The following CNTNAP2 variants were observed in gnomAD, a reference collection of about 807,000 sequenced individuals.
CNTNAP2 encodes the protein contactin associated protein 2, also known as contactin-associated protein-like 2.
Under a neutral mutation model 155.2 loss-of-function variants are expected in CNTNAP2, and 98 were observed. The observed-to-expected ratio is 0.63, with a 90% CI of 0.54 to 0.75. CNTNAP2 has a LOEUF of 0.75. CNTNAP2 is among the 30% of genes least tolerant of loss of function. CNTNAP2 has a pLI of 0.00. For synonymous variants in CNTNAP2, 651 were observed against 631.2 expected (o/e 1.03, Z -0.47); for missense variants, 1,727 against 1,688.1 (o/e 1.02, Z -0.40).
intron 3 of CNTNAP2, among the ~76,000 whole-genome samples, chr7:146,927,542 C>A (rs1182572287): frequency 6.6e-6 from 1 of 151,938 alleles, no homozygotes; most frequent in Non-Finnish European, 1.5e-5. Flanking sequence ...ATACAATATA[C>A]AATTTGTATA....
chr7:147,099,293 A>G (rs1800609006), intron 4 of CNTNAP2, among the ~76,000 whole-genome samples: 1 of 152,152 alleles, frequency 6.6e-6, no homozygotes, highest in Admixed American at 6.5e-5. Flanking sequence ...TTATATTTGG[A>G]AAGTGTGCTT....
chr7:147,523,774 A>G (rs1363203811), intron 11 of CNTNAP2, among the ~76,000 whole-genome samples: 1 of 152,176 alleles, frequency 6.6e-6, no homozygotes, highest in Non-Finnish European at 1.5e-5. Flanking sequence ...TCCCATGCCT[A>G]GTTCACAGCA....
At chr7:147,488,550 T>G (rs1428776902) in intron 11 of CNTNAP2, among the ~76,000 whole-genome samples, 2 of 122,510 alleles carry the variant, frequency 1.6e-5, no homozygotes, top group Non-Finnish European at 3.2e-5. Flanking sequence ...AATAGTATTT[T>G]TTTTTAAAAA....
intron 14 of CNTNAP2, 135 bp from the exon 15 acceptor site, chr7:147,977,727 T>A: frequency 8.0e-7 from 1 of 1,249,024 alleles, no homozygotes; most frequent in Non-Finnish European, 1.1e-6. Flanking sequence ...GAACAACTCT[T>A]TAACTGTGGC....
Position 148,415,521 on chromosome 7 carries a change from G to A in CNTNAP2, c.3901G>A (p.Ala1301Thr), listed in dbSNP as rs556341963. 2.5e-6 allele frequency: 4 copies of A among 1,614,238 alleles called. No individual in the cohort carries two copies. In the South Asian group the frequency reaches 3.3e-5, roughly 13 times the overall value. The change falls in exon 24 of 24, where the codon GCG (alanine) becomes ACG (threonine). Residue 1301 changes from alanine to threonine, a missense_variant. Ala to Thr is a moderately conservative substitution (Grantham distance 58, BLOSUM62 0). Coordinates refer to ENST00000361727, the MANE Select transcript of CNTNAP2 (RefSeq NM_014141.6). ...CTACCATACCAACGAAGCAAAGGGG[G>A]CGGAGTCGGCAGAGAGCGCGGACGC... is the stretch of plus-strand genomic sequence containing the variant. The part of the protein sequence containing the change: ...GTYHTNEAKG[A>T]ESAESADAAI...
At chr7:146,645,079 C>T (rs559110661) in intron 1 of CNTNAP2, among the ~76,000 whole-genome samples, 155 of 152,100 alleles carry the variant, frequency 1.0e-3, no homozygotes, top group Non-Finnish European at 1.9e-3. Context: ...TCAAAAAAAT[C>T]ATTTATTAAA....
intron 21 of CNTNAP2, among the ~76,000 whole-genome samples, chr7:148,350,139 G>T (rs1409217576): frequency 1.3e-5 from 2 of 152,122 alleles, no homozygotes; most frequent in African/African-American, 4.8e-5. Context: ...ATAATTGAAG[G>T]TACAAAAATG....
chr7:146,675,064 A>T (rs1800374255), intron 1 of CNTNAP2, among the ~76,000 whole-genome samples: 1 of 152,202 alleles, frequency 6.6e-6, no homozygotes, highest in Admixed American at 6.5e-5. Context: ...ACCCCAACCA[A>T]CAAGACTGTG....
chr7:147,361,101 C>A (rs965206896), intron 9 of CNTNAP2, among the ~76,000 whole-genome samples: 2 of 152,020 alleles, frequency 1.3e-5, no homozygotes, highest in African/African-American at 4.8e-5. Context: ...AGAAAAAAAC[C>A]TAAAATATAG....
intron 1 of CNTNAP2, among the ~76,000 whole-genome samples, chr7:146,517,367 A>T (rs149866356): frequency 2.0e-5 from 3 of 152,120 alleles, no homozygotes; most frequent in African/African-American, 7.2e-5. Context: ...TTTAATTGTC[A>T]GGAGACTCCC....
At position 146,461,974 on chromosome 7, in the gene CNTNAP2, T is replaced by G. The variant is rs188313173; in HGVS notation, c.98-312297T>G. 8.8e-4 allele frequency among the ~76,000 whole-genome samples: 134 copies of G among 152,348 alleles called. 1 individual carries two copies. The highest frequency in any genetic ancestry group is 2.9e-4 in the Non-Finnish European group (20 of 68,030). On this transcript the variant is annotated intron_variant, in intron 1 of 23. Transcript: ENST00000361727. ...AGCTTCTCTCATGCTCCATGGTTAT[T>G]TTTATTTTTTGAATACAGTGCAAAT...
At chr7:147,578,445 C>T (rs913015851) in intron 12 of CNTNAP2, among the ~76,000 whole-genome samples, 43 of 152,046 alleles carry the variant, frequency 2.8e-4, no homozygotes, top group Non-Finnish European at 5.6e-4. Context: ...GTCTTTGGCT[C>T]TACAGACATG....
chr7:146,326,099 C>T (rs1190003853), intron 1 of CNTNAP2, among the ~76,000 whole-genome samples: 1 of 152,196 alleles, frequency 6.6e-6, no homozygotes, highest in Non-Finnish European at 1.5e-5. Context: ...ATGCAATGCT[C>T]AGACATGGTA....
At chr7:146,226,989 T>C (rs1383877728) in intron 1 of CNTNAP2, among the ~76,000 whole-genome samples, 1 of 152,172 alleles carries the variant, frequency 6.6e-6, no homozygotes, top group East Asian at 1.9e-4. Flanking sequence ...ATGAGTTATT[T>C]ATACTAAATG....
At chr7:147,918,961 A>T (rs745909577) in intron 14 of CNTNAP2, among the ~76,000 whole-genome samples, 17 of 152,140 alleles carry the variant, frequency 1.1e-4, no homozygotes, top group Admixed American at 2.0e-4. Context: ...AGATGGAGAG[A>T]TTATCCTGGA....
intron 11 of CNTNAP2, among the ~76,000 whole-genome samples, chr7:147,540,995 C>T (rs1487457176): frequency 1.3e-5 from 2 of 152,138 alleles, no homozygotes; most frequent in African/African-American, 4.8e-5. Context: ...AGGCAGAAAA[C>T]TGCAATAACT....
chr7:147,102,774 A>G (rs1490486533), intron 4 of CNTNAP2, among the ~76,000 whole-genome samples: 1 of 152,206 alleles, frequency 6.6e-6, no homozygotes, highest in Non-Finnish European at 1.5e-5. Flanking sequence ...TATCATAGAT[A>G]CATTGAAAAA....
intron 2 of CNTNAP2, among the ~76,000 whole-genome samples, chr7:146,781,543 C>T (rs763945003): frequency 2.0e-5 from 3 of 152,110 alleles, no homozygotes; most frequent in African/African-American, 7.2e-5. Context: ...ATAAGCATGA[C>T]GCCAACCTCT....
At chr7:146,535,011 G>A (rs777965472) in intron 1 of CNTNAP2, among the ~76,000 whole-genome samples, 69 of 126,526 alleles carry the variant, frequency 5.5e-4, no homozygotes, top group Non-Finnish European at 1.0e-3. Flanking sequence ...ACAATTAGGC[G>A]TGCCATGTCC....
Sources: allele counts gnomAD v4.1 joint callset (sites outside exome capture counted in the v4.1 genomes callset), GRCh38; gene constraint gnomAD v4.1.1; transcripts MANE v1.5; gene names NCBI Gene and HGNC (gene_info 2026-07-23, HGNC 2026-07-21).